ZNF732: variants seen among roughly 807,000 people sequenced by gnomAD.
The protein encoded by ZNF732 is zinc finger protein 732.
Under a neutral mutation model 11.5 loss-of-function variants are expected in ZNF732, and 12 were observed. The ratio of observed to expected loss-of-function variants is 1.05; its 90% CI spans 0.67 to 1.70. ZNF732 has a LOEUF of 1.70. ZNF732 is among the 40% of genes most tolerant of loss of function. ZNF732 has a pLI of 0.00. For missense variants in ZNF732, 702 were observed against 676.9 expected, an observed-to-expected ratio of 1.04 and a Z score of -0.41; for synonymous variants, 231 against 236.5, an observed-to-expected ratio of 0.98 and a Z score of 0.21.
intron 3 of ZNF732, among the ~76,000 whole-genome samples, chr4:290,797 A>G (rs1367378579): frequency 6.6e-6 from 1 of 152,128 alleles, no homozygotes; most frequent in African/African-American, 2.4e-5. Flanking sequence ...TCAAAGACAC[A>G]ATGCACAGCA....
At chr4:297,607 T>A (rs1040813411) in intron 1 of ZNF732, among the ~76,000 whole-genome samples, 8 of 100,986 alleles carry the variant, frequency 7.9e-5, no homozygotes, top group Admixed American at 3.2e-4. Flanking sequence ...TTAAGATTTG[T>A]AAAAAAAAAA....
At chr4:298,826 T>C (rs781892373) in intron 1 of ZNF732, among the ~76,000 whole-genome samples, 13 of 152,194 alleles carry the variant, frequency 8.5e-5, no homozygotes, top group African/African-American at 1.9e-4. Flanking sequence ...GGAGGCATTG[T>C]TGTGACTTTG....
At position 285,656 on chromosome 4, in the gene ZNF732, C is replaced by T. The variant is rs139681703; in HGVS notation, c.226+9782G>A. ...GGATACCTAGAATCACAAGACGATT[C>T]ACAGTGTGACAGCTTCTGTGCAAAA... On this transcript the variant is annotated intron_variant, in intron 3 of 3. Transcript: ENST00000419098. 4.3e-3 allele frequency among the ~76,000 whole-genome samples: 660 copies of T among 152,096 alleles called. 3 individuals carry two copies. Among genetic ancestry groups the T allele is most frequent in the African/African-American group, 0.015 (631 of 41,372 alleles).
Position 298,742 on chromosome 4 carries a change from G to A in ZNF732, c.4-2587C>T, listed in dbSNP as rs142469882. Among the ~76,000 whole-genome samples, 912 of 152,274 alleles carry A rather than the reference G, an allele frequency of 6.0e-3. 10 individuals are homozygous for A. Among genetic ancestry groups the A allele is most frequent in the African/African-American group, 0.021 (856 of 41,554 alleles). ...GCAGATCCTGGATCCAGACGTGATA[G>A]CCCCTGTCCCTGATCAGCTAACTCT... On this transcript the variant is annotated intron_variant, in intron 1 of 3. Coordinates refer to ENST00000419098, the MANE Select transcript of ZNF732 (RefSeq NM_001137608.3).
At chr4:304,286 C>A (rs550267816) in intron 1 of ZNF732, among the ~76,000 whole-genome samples, 1 of 151,700 alleles carries the variant, frequency 6.6e-6, no homozygotes, top group African/African-American at 2.4e-5. Flanking sequence ...GAACTCCTTT[C>A]CTCTAAGTTC....
At chr4:304,222 G>C (rs1307830321) in intron 1 of ZNF732, among the ~76,000 whole-genome samples, 1 of 152,110 alleles carries the variant, frequency 6.6e-6, no homozygotes, top group African/African-American at 2.4e-5. Flanking sequence ...CCTCGGGAGT[G>C]GGTTAGCATT....
intron 1 of ZNF732, among the ~76,000 whole-genome samples, chr4:296,846 C>T (rs1283472967): frequency 6.6e-6 from 1 of 152,164 alleles, no homozygotes; most frequent in African/African-American, 2.4e-5. Context: ...ACCCTTATCA[C>T]AACACAAATA....
Position 271,015 on chromosome 4 carries a change from G to T in ZNF732, c.*84C>A. Reference sequence around the variant, plus strand: ...AAGCTTTGCCACATTCTTCACATTTGTATAGTTTATTTCCAGTATAAATTT... The same window carrying T: ...AAGCTTTGCCACATTCTTCACATTTTTATAGTTTATTTCCAGTATAAATTT... On this transcript the variant is annotated 3_prime_UTR_variant, in exon 4 of 4. Transcript: ENST00000419098. 2 of 1,139,234 alleles carry T rather than the reference G, an allele frequency of 1.8e-6. No homozygotes were observed. The highest frequency in any genetic ancestry group is 2.5e-6 in the Non-Finnish European group (2 of 799,574). The allele number at this position is 1,139,234 out of a possible 1,614,324, so 70.6% of individuals were successfully genotyped here.
chr4:270,717 A>G lies in ZNF732; in HGVS notation c.*382T>C, dbSNP rs1282667220. On this transcript the variant is annotated 3_prime_UTR_variant, in exon 4 of 4. Transcript: ENST00000419098. ...CTCCATTATGAATTTTCTCATGTTT[A>G]TTTATGGGTGAGGACCGTTTATAGG... The G allele has an allele frequency of 2.2e-5, 9 of 408,262 alleles. No individual in the cohort carries two copies. Among genetic ancestry groups the G allele is most frequent in the African/African-American group, 1.6e-4 (8 of 48,576 alleles). 25.3% of individuals were successfully genotyped at this position (408,262 alleles called of 1,614,324 possible). A position where few individuals can be genotyped will look rare whatever the true frequency, so the allele number is the denominator to read the frequency against.
intron 3 of ZNF732, among the ~76,000 whole-genome samples, chr4:283,712 A>G (rs927198291): frequency 6.6e-6 from 1 of 152,182 alleles, no homozygotes; most frequent in African/African-American, 2.4e-5. Flanking sequence ...AGTTAGTAAG[A>G]AAACAATTGC....
intron 1 of ZNF732, among the ~76,000 whole-genome samples, 164 bp from the exon 2 acceptor site, chr4:296,319 T>C (rs1237174265): frequency 2.6e-4 from 40 of 152,104 alleles, no homozygotes; most frequent in African/African-American, 9.4e-4. Flanking sequence ...AGAAAAAGGA[T>C]GGCATTCCAA....
At chr4:280,294 GAAAA>G (rs59901961) in intron 3 of ZNF732, among the ~76,000 whole-genome samples, 2 of 142,752 alleles carry the variant, frequency 1.4e-5, no homozygotes, top group African/African-American at 5.1e-5. Context: ...ACAGCAGTAA[GAAAA>G]AAAAAAAAAA....
Position 271,309 on chromosome 4 carries a change from G to T in ZNF732, c.1548C>A (p.Tyr516Ter). 1 of 1,602,002 alleles carries T rather than the reference G, an allele frequency of 6.2e-7. No individual in the cohort carries two copies. Among genetic ancestry groups the T allele is most frequent in the Non-Finnish European group, 8.5e-7 (1 of 1,173,450 alleles). ...TATGAATTTTCTTATGTTTACTCAG[G>T]TATGTGGACCATCCAAAGGCTTTGC... ...ECGKAFGWST[Y>*]LSKHKKIHTG... The change falls in exon 4 of 4, where the codon TAC becomes TAA. Residue 516 changes from tyrosine to a stop codon, truncating the protein, a stop_gained. Coordinates refer to ENST00000419098, the MANE Select transcript of ZNF732 (RefSeq NM_001137608.3). LOFTEE classifies it low-confidence loss of function (END_TRUNC).
chr4:294,637 G>C (rs1299522258), intron 3 of ZNF732, among the ~76,000 whole-genome samples: 2 of 152,064 alleles, frequency 1.3e-5, no homozygotes, highest in African/African-American at 4.8e-5. Flanking sequence ...GGGCTTTTTT[G>C]CTTATCTAAG....
rs782529049 is a variant in ZNF732 at position 272,495 on chromosome 4, A to G, written c.362T>C (p.Val121Ala). The G allele has an allele frequency of 5.0e-6, 8 of 1,602,688 alleles. No homozygotes were observed. Among genetic ancestry groups the G allele is most frequent in the Non-Finnish European group, 6.0e-6 (7 of 1,173,886 alleles). The change falls in exon 4 of 4, where the codon GTG (valine) becomes GCG (alanine). Residue 121 changes from valine to alanine, a missense_variant. Around this residue, in one of 3 missense-constraint regions of ZNF732, gnomAD observed 596 missense variants for 557.9 expected, o/e 1.07. Transcript: ENST00000419098. ...AAATTCATTATAACCTCCTTTCTGC[A>G]CCTTCCTTTTACAGCTTTTTCTTAA... is the stretch of plus-strand genomic sequence containing the variant. Reference protein sequence around the residue: ...LELRKSCKRKVQKGGYNEFNQ... With the variant: ...LELRKSCKRKAQKGGYNEFNQ...
chr4:301,963 C>T (rs147727740), intron 1 of ZNF732, among the ~76,000 whole-genome samples: 2 of 152,114 alleles, frequency 1.3e-5, no homozygotes, highest in African/African-American at 2.4e-5. Context: ...CCCATGATCA[C>T]GGAATCAGTG....
intron 1 of ZNF732, among the ~76,000 whole-genome samples, chr4:296,891 C>T (rs1719964682): frequency 6.6e-6 from 1 of 152,148 alleles, no homozygotes; most frequent in Non-Finnish European, 1.5e-5. Flanking sequence ...AAATCATCAT[C>T]CTGAAGCACA....
chr4:288,134 A>C (rs1719769220), intron 3 of ZNF732, among the ~76,000 whole-genome samples: 1 of 151,972 alleles, frequency 6.6e-6, no homozygotes, highest in South Asian at 2.1e-4. Context: ...ATTTTTTGGA[A>C]TTGTTTATTC....
At position 271,933 on chromosome 4, in the gene ZNF732, A is replaced by G. The variant is rs782332681; in HGVS notation, c.924T>C (p.Cys308=). 4 of 1,609,694 alleles carry G rather than the reference A, an allele frequency of 2.5e-6. No individual in the cohort carries two copies. In the East Asian group the frequency reaches 8.9e-5, roughly 36 times the overall value. The change falls in exon 4 of 4, where the codon TGT becomes TGC. Residue 308 remains cysteine, a synonymous_variant. Transcript: ENST00000419098. ...TATTAAAGACTTTGCCACATTCCTGACATTTGTAGAGTTTCTCTCCGGTAT... is the reference window on the plus strand; with the variant it reads ...TATTAAAGACTTTGCCACATTCCTGGCATTTGTAGAGTTTCTCTCCGGTAT... ...KIHTGEKLYK[C]QECGKVFNRS...
Sources: allele counts gnomAD v4.1 joint callset (sites outside exome capture counted in the v4.1 genomes callset), GRCh38; gene constraint gnomAD v4.1.1; regional missense constraint gnomAD v4.1.1; transcripts MANE v1.5; gene names NCBI Gene and HGNC (gene_info 2026-07-23, HGNC 2026-07-21).